GPR158: variants seen among roughly 807,000 people sequenced by gnomAD.
GPR158 encodes the protein metabotropic glycine receptor.
GPR158 carries 30 observed loss-of-function variants against 78.2 expected under a neutral mutation model. The ratio of observed to expected loss-of-function variants is 0.38; its 90% CI spans 0.29 to 0.52. The LOEUF (loss-of-function observed/expected upper bound fraction) is 0.52. GPR158 is among the 20% of genes least tolerant of loss of function. The probability of loss-of-function intolerance (pLI) is 0.83; values close to 1 mark genes in which losing one functional copy is unlikely to be tolerated. For synonymous variants in GPR158, 581 were observed against 591.1 expected (o/e 0.98, Z 0.25); for missense variants, 1,463 against 1,523.5 (o/e 0.96, Z 0.66).
intron 4 of GPR158, among the ~76,000 whole-genome samples, chr10:25,419,403 G>A (rs901190596): frequency 1.3e-5 from 2 of 152,022 alleles, no homozygotes; most frequent in Non-Finnish European, 2.9e-5. Flanking sequence ...TCTGTTGATG[G>A]CCATTTGAGT....
At chr10:25,391,102 G>A (rs1311702327) in intron 2 of GPR158, among the ~76,000 whole-genome samples, 6 of 152,232 alleles carry the variant, frequency 3.9e-5, no homozygotes, top group African/African-American at 1.2e-4. Flanking sequence ...TGAGGTTTGG[G>A]AACCTCTGCC....
chr10:25,306,061 C>T (rs1854672538), intron 2 of GPR158, among the ~76,000 whole-genome samples: 1 of 152,154 alleles, frequency 6.6e-6, no homozygotes, highest in Non-Finnish European at 1.5e-5. Context: ...GCTCTTATCA[C>T]TTGACATTTA....
intron 1 of GPR158, among the ~76,000 whole-genome samples, chr10:25,184,795 C>A (rs1852658245): frequency 6.6e-6 from 1 of 152,156 alleles, no homozygotes; most frequent in Admixed American, 6.5e-5. Context: ...GCAATGTAAC[C>A]AGTTTAGACC....
chr10:25,580,445 A>G (rs1299481548), intron 7 of GPR158, among the ~76,000 whole-genome samples: 4 of 152,210 alleles, frequency 2.6e-5, no homozygotes, highest in African/African-American at 7.2e-5. Context: ...GAACCGAGAA[A>G]AATACAGCAT....
chr10:25,532,816 C>T (rs748904602), intron 5 of GPR158, among the ~76,000 whole-genome samples: 1 of 151,798 alleles, frequency 6.6e-6, no homozygotes, highest in Non-Finnish European at 1.5e-5. Flanking sequence ...CATTCCCAGC[C>T]AACCTATTCA....
At chr10:25,422,608 T>C (rs1834765617) in intron 4 of GPR158, among the ~76,000 whole-genome samples, 1 of 137,440 alleles carries the variant, frequency 7.3e-6, no homozygotes. Context: ...TCATCTATTG[T>C]TCTCTTTTCA....
chr10:25,351,284 G>A (rs993907509), intron 2 of GPR158, among the ~76,000 whole-genome samples: 1 of 152,010 alleles, frequency 6.6e-6, no homozygotes, highest in Non-Finnish European at 1.5e-5. Context: ...ACCCCTTTAA[G>A]AAGTCTCCAA....
At chr10:25,193,896 A>AG (rs1012117304) in intron 1 of GPR158, among the ~76,000 whole-genome samples, 7 of 152,136 alleles carry the variant, frequency 4.6e-5, no homozygotes, top group African/African-American at 1.7e-4. Context: ...AAAAAAAAAA[A>AG]AAAAAAGAAA....
intron 2 of GPR158, among the ~76,000 whole-genome samples, chr10:25,349,836 T>A (rs1352182749): frequency 7.8e-6 from 1 of 128,304 alleles, no homozygotes; most frequent in Non-Finnish European, 1.5e-5. Context: ...GGGGCATGAT[T>A]CAGCCTACAG....
intron 2 of GPR158, among the ~76,000 whole-genome samples, chr10:25,284,723 G>T (rs2130757702): frequency 1.3e-5 from 2 of 149,844 alleles, no homozygotes; most frequent in South Asian, 2.1e-4. Context: ...TAAAAAGTTG[G>T]GTGTTATTAT....
At chr10:25,388,549 C>G (rs1020290034) in intron 2 of GPR158, among the ~76,000 whole-genome samples, 1 of 152,264 alleles carries the variant, frequency 6.6e-6, no homozygotes, top group Non-Finnish European at 1.5e-5. Context: ...GTCCACTGTA[C>G]CACCTTCATC....
chr10:25,229,758 A>G (rs1321772077), intron 2 of GPR158, among the ~76,000 whole-genome samples: 1 of 152,236 alleles, frequency 6.6e-6, no homozygotes, highest in African/African-American at 2.4e-5. Flanking sequence ...GGTATTTTAG[A>G]TTACAAACTA....
At chr10:25,297,350 T>A (rs12242545) in intron 2 of GPR158, among the ~76,000 whole-genome samples, 3 of 152,284 alleles carry the variant, frequency 2.0e-5, no homozygotes, top group East Asian at 3.9e-4. Context: ...GGTTTGACAT[T>A]GGTCTTAAAT....
intron 2 of GPR158, among the ~76,000 whole-genome samples, chr10:25,291,503 A>G (rs1265598669): frequency 6.6e-6 from 1 of 152,094 alleles, no homozygotes; most frequent in East Asian, 1.9e-4. Context: ...AAATATAGCC[A>G]TGAGTTTCAC....
At chr10:25,299,868 C>T (rs142658839) in intron 2 of GPR158, among the ~76,000 whole-genome samples, 115 of 152,148 alleles carry the variant, frequency 7.6e-4, no homozygotes, top group Non-Finnish European at 1.4e-3. Context: ...ATTATGTCAT[C>T]CAGGCTGGAG....
chr10:25,430,756 T>TG (rs1193844300), intron 4 of GPR158, among the ~76,000 whole-genome samples: 1 of 142,158 alleles, frequency 7.0e-6, no homozygotes, highest in East Asian at 2.0e-4. Context: ...AAACAAGCAA[T>TG]GGGGAAAGGA....
intron 2 of GPR158, among the ~76,000 whole-genome samples, chr10:25,342,162 A>T (rs1158033247): frequency 6.6e-6 from 1 of 151,782 alleles, no homozygotes; most frequent in Admixed American, 6.6e-5. Context: ...CCAAGTTCTT[A>T]TTTCTTCCAC....
At chr10:25,264,755 G>T (rs1854019753) in intron 2 of GPR158, among the ~76,000 whole-genome samples, 2 of 152,146 alleles carry the variant, frequency 1.3e-5, no homozygotes, top group Non-Finnish European at 2.9e-5. Context: ...ATAGTATCTT[G>T]CAGATCCTTC....
chr10:25,240,410 G>A (rs1853587716), intron 2 of GPR158, among the ~76,000 whole-genome samples: 1 of 152,190 alleles, frequency 6.6e-6, no homozygotes, highest in South Asian at 2.1e-4. Context: ...TTGGGAGGCT[G>A]AGGCAGGAGA....
Sources: allele counts gnomAD v4.1 joint callset (sites outside exome capture counted in the v4.1 genomes callset), GRCh38; gene constraint gnomAD v4.1.1; transcripts MANE v1.5; gene names NCBI Gene and HGNC (gene_info 2026-07-23, HGNC 2026-07-21).